The following CAST variants were observed in gnomAD, a reference collection of about 807,000 sequenced individuals.
CAST encodes the protein MIR583 host.
CAST carries 76 observed loss-of-function variants against 119.6 expected under a neutral mutation model. The observed-to-expected ratio is 0.64, with a 90% confidence interval of 0.53 to 0.77. CAST has a LOEUF of 0.77. CAST is among the 30% of genes least tolerant of loss of function. The probability of loss-of-function intolerance (pLI) is 0.00; values close to 1 mark genes in which losing one functional copy is unlikely to be tolerated. For missense variants in CAST, 953 were observed against 946.5 expected, an observed-to-expected ratio of 1.01 and a Z score of -0.09; for synonymous variants, 319 against 331.6, an observed-to-expected ratio of 0.96 and a Z score of 0.41.
At chr5:96,540,213 A>G (rs138860986) in intron 1 of CAST, among the ~76,000 whole-genome samples, 6,719 of 152,142 alleles carry the variant, frequency 0.044, 183 homozygotes, top group Non-Finnish European at 0.066. Flanking sequence ...TATTTAAATC[A>G]TAAGGAAAAA....
chr5:96,625,753 C>T (rs1747707531), intron 1 of CAST, among the ~76,000 whole-genome samples: 1 of 152,184 alleles, frequency 6.6e-6, no homozygotes, highest in Admixed American at 6.5e-5. Context: ...CTGACAGCCC[C>T]GGTTGCAGCT....
chr5:96,750,748 C>A, intron 20 of CAST, 66 bp downstream of exon 20: 1 of 851,236 alleles, frequency 1.2e-6, no homozygotes. Flanking sequence ...CTGTCACTCT[C>A]TGCTGTGTAT....
the CAST span, among the ~76,000 whole-genome samples, chr5:96,258,735 G>A: frequency 6.6e-6 from 1 of 152,162 alleles, no homozygotes; most frequent in Non-Finnish European, 1.5e-5. Flanking sequence ...GCATAGATAT[G>A]ATAAAATTGG....
At chr5:96,176,720 C>T in the CAST span, among the ~76,000 whole-genome samples, 1 of 152,184 alleles carries the variant, frequency 6.6e-6, no homozygotes, top group Non-Finnish European at 1.5e-5. Flanking sequence ...TTCTTTCTTC[C>T]TGAGCCCCTT....
At chr5:96,108,957 G>A in the CAST span, among the ~76,000 whole-genome samples, 1,221 of 152,370 alleles carry the variant, frequency 8.0e-3, 64 homozygotes, top group Admixed American at 0.075. Context: ...TCGGAAAAGC[G>A]CAGTATTTGG....
chr5:96,410,558 A>G, the CAST span, among the ~76,000 whole-genome samples: 1 of 152,146 alleles, frequency 6.6e-6, no homozygotes, highest in East Asian at 1.9e-4. Flanking sequence ...TTTAAAAATG[A>G]CAGAGGGGAA....
chr5:96,259,740 A>G, the CAST span, among the ~76,000 whole-genome samples: 1 of 152,016 alleles, frequency 6.6e-6, no homozygotes, highest in Non-Finnish European at 1.5e-5. Flanking sequence ...ACTTCCTCTA[A>G]CATTTTAGAG....
intron 1 of CAST, among the ~76,000 whole-genome samples, chr5:96,608,955 C>G (rs1462156501): frequency 6.6e-6 from 1 of 152,158 alleles, no homozygotes; most frequent in Non-Finnish European, 1.5e-5. Flanking sequence ...CCCACCAAGC[C>G]TCTCCTCCAA....
intron 6 of CAST, among the ~76,000 whole-genome samples, chr5:96,727,937 G>A (rs1759593019): frequency 6.6e-6 from 1 of 152,136 alleles, no homozygotes; most frequent in African/African-American, 2.4e-5. Flanking sequence ...ATGGCTTAGG[G>A]ATGAGAATCT....
the CAST span, among the ~76,000 whole-genome samples, chr5:96,136,354 T>C: frequency 6.6e-6 from 1 of 151,770 alleles, no homozygotes; most frequent in East Asian, 1.9e-4. Context: ...TCTTTTGTTT[T>C]GTTTTGTTTT....
the CAST span, among the ~76,000 whole-genome samples, chr5:96,509,944 G>A: frequency 6.6e-6 from 1 of 152,144 alleles, no homozygotes; most frequent in Admixed American, 6.6e-5. Context: ...ACCCTACACA[G>A]TAGCAGGAAA....
intron 1 of CAST, among the ~76,000 whole-genome samples, chr5:96,556,281 G>C (rs1464301620): frequency 6.6e-6 from 1 of 152,146 alleles, no homozygotes; most frequent in Non-Finnish European, 1.5e-5. Context: ...AGAAAAACTG[G>C]AAACTCTAAA....
the CAST span, among the ~76,000 whole-genome samples, chr5:96,329,920 ACT>A: frequency 3.9e-5 from 6 of 152,290 alleles, 1 homozygote; most frequent in Admixed American, 3.3e-4. Flanking sequence ...AAGAAGCATA[ACT>A]CTATTTTCTG....
At chr5:96,458,948 CTTTA>C in the CAST span, among the ~76,000 whole-genome samples, 6 of 152,020 alleles carry the variant, frequency 3.9e-5, no homozygotes, top group African/African-American at 7.3e-5. Flanking sequence ...TATTGATTAC[CTTTA>C]TTTATGCATT....
the CAST span, chr5:96,398,911 C>T: frequency 6.2e-7 from 1 of 1,613,682 alleles, no homozygotes; most frequent in Non-Finnish European, 8.5e-7. Context: ...ATGAAGGTCT[C>T]CTCTTCGGGA....
chr5:96,772,710 A>T lies in CAST; in HGVS notation c.*94A>T, dbSNP rs1274585421. 6.5e-6 allele frequency: 1 copy of T among 152,736 alleles called. No homozygotes were observed. The allele number at this position is 152,736 out of a possible 1,614,324, so 9.5% of individuals were successfully genotyped here. ...GAACAAAAGGCTTTGGCAACAGAAA[A>T]CAATTGTTCTGGGTGATTTCTAGAA... On this transcript the variant is annotated 3_prime_UTR_variant, in exon 32 of 32. Transcript: ENST00000675179.
chr5:96,135,284 T>C, the CAST span, among the ~76,000 whole-genome samples: 15 of 152,298 alleles, frequency 9.8e-5, no homozygotes, highest in Middle Eastern at 3.4e-3. Context: ...AGAATTATCT[T>C]AAAGTCAGCC....
chr5:95,982,426 C>T, the CAST span, among the ~76,000 whole-genome samples: 1 of 152,078 alleles, frequency 6.6e-6, no homozygotes, highest in Non-Finnish European at 1.5e-5. Context: ...AGGAAATTCT[C>T]TTGTGCTGTT....
At chr5:96,551,591 G>C (rs1029923689) in intron 1 of CAST, among the ~76,000 whole-genome samples, 6 of 151,898 alleles carry the variant, frequency 4.0e-5, no homozygotes, top group African/African-American at 1.5e-4. Flanking sequence ...ATGTAAATGG[G>C]CTAAATGCTC....
Sources: allele counts gnomAD v4.1 joint callset (sites outside exome capture counted in the v4.1 genomes callset), GRCh38; gene constraint gnomAD v4.1.1; transcripts MANE v1.5; gene names NCBI Gene and HGNC (gene_info 2026-07-23, HGNC 2026-07-21).